RELT: variants seen among roughly 807,000 people sequenced by gnomAD.
The protein encoded by RELT is tumor necrosis factor receptor superfamily member 19L.
Under a neutral mutation model 51.1 loss-of-function variants are expected in RELT, and 37 were observed. That is an observed-to-expected ratio of 0.72 (90% CI 0.56 to 0.95). The LOEUF (loss-of-function observed/expected upper bound fraction) is 0.95, where lower values mean the gene tolerates loss of function less well. RELT is among the 40% of genes least tolerant of loss of function. The probability of loss-of-function intolerance (pLI) is 0.00; values close to 1 mark genes in which losing one functional copy is unlikely to be tolerated. For synonymous variants in RELT, 241 were observed against 235.7 expected (o/e 1.02, Z -0.21); for missense variants, 535 against 572.6 (o/e 0.93, Z 0.67).
intron 5 of RELT, 23 bp from the exon 6 acceptor site, chr11:73,392,188 C>T: frequency 6.2e-7 from 1 of 1,607,598 alleles, no homozygotes; most frequent in Non-Finnish European, 8.5e-7. Flanking sequence ...TTTTGTCCTG[C>T]CTCCATCGTC....
chr11:73,393,103 TC>T, intron 6 of RELT: 1 of 996,140 alleles, frequency 1.0e-6, no homozygotes, highest in Non-Finnish European at 1.2e-6. Flanking sequence ...AAATGGCATC[TC>T]CCATGCTAGC....
Position 73,388,283 on chromosome 11 carries a change from G to A in RELT, c.-25-829G>A, listed in dbSNP as rs1160671894. ...CCTGGGATGGAGCTCCCTGCAGACA[G>A]GGACCTTGTCTGTCTTGTTCATACC... On this transcript the variant is annotated intron_variant, in intron 1 of 10. Transcript: ENST00000064780. The surrounding 1 kb of genome is among the most constrained non-coding windows in gnomAD (Gnocchi z 4.1). Among the ~76,000 whole-genome samples, 1 of 152,248 alleles carries A rather than the reference G, an allele frequency of 6.6e-6. No homozygotes were observed. Among genetic ancestry groups the A allele is most frequent in the African/African-American group, 2.4e-5 (1 of 41,466 alleles).
rs1866283420 is a variant in RELT, at chr11:73,394,757, A to C, written c.1046+23A>C. ...CAGGTGAGATGGGCACAGATGCAGC[A>C]GGGGCAGGTAAAGACGTGACAGCCT... On this transcript the variant is annotated intron_variant, in intron 9 of 10. Transcript: ENST00000064780. The surrounding 1 kb of genome is among the most constrained non-coding windows in gnomAD (Gnocchi z 4.9). The C allele has an allele frequency of 6.3e-7, 1 of 1,599,222 alleles. No homozygotes were observed. Among genetic ancestry groups the C allele is most frequent in the Non-Finnish European group, 8.5e-7 (1 of 1,176,494 alleles).
chr11:73,381,001 C>A (rs181218639), intron 1 of RELT, among the ~76,000 whole-genome samples: 1 of 152,104 alleles, frequency 6.6e-6, no homozygotes. Flanking sequence ...GATTATGGCC[C>A]GGGAGGCTGT....
At chr11:73,391,305 G>A in intron 5 of RELT, 82 bp downstream of exon 5, 1 of 1,290,926 alleles carries the variant, frequency 7.7e-7, no homozygotes, top group South Asian at 1.3e-5. Context: ...AGCCTCTGCA[G>A]TGTTCATGTG....
intron 4 of RELT, 86 bp downstream of exon 4, chr11:73,391,007 C>T (rs1183535261): frequency 6.5e-7 from 1 of 1,548,212 alleles, no homozygotes; most frequent in African/African-American, 1.4e-5. Flanking sequence ...GTACCCTGAG[C>T]AGGCCTCATT....
rs1866154957 is a variant in RELT at position 73,388,236 on chromosome 11, C to G, written c.-25-876C>G. 6.6e-6 allele frequency among the ~76,000 whole-genome samples: 1 copy of G among 152,224 alleles called. No homozygotes were observed. The highest frequency in any genetic ancestry group is 1.5e-5 in the Non-Finnish European group (1 of 68,042). On this transcript the variant is annotated intron_variant, in intron 1 of 10. Coordinates refer to ENST00000064780, the MANE Select transcript of RELT (RefSeq NM_152222.2). This position sits in a 1 kb window ranked among gnomAD's most constrained non-coding sequence, Gnocchi z 4.1. The stretch of plus-strand genomic sequence containing the variant: ...TTACCACCAAATGGCAGGGGCACCT[C>G]TCTGTTTGCAGTTGGGTCTCCCCTG...
In RELT at chr11:73,393,989, C is replaced by T. The variant is rs569157856; in HGVS notation, c.706+72C>T. 3.8e-5 allele frequency: 55 copies of T among 1,445,694 alleles called. No homozygotes were observed. The Middle Eastern group carries it at 1.1e-3, about 30-fold the overall frequency. 89.6% of individuals were successfully genotyped at this position (1,445,694 alleles called of 1,614,324 possible). ...TTCCTCCAGGAGCCTGTGAGGCAGC[C>T]GCGGTGGGCAGAGTCTTGCCCTGCT... On this transcript the variant is annotated intron_variant, in intron 7 of 10. Transcript: ENST00000064780.
Position 73,395,543 on chromosome 11 carries a change from G to C in RELT, c.*52G>C. The C allele has an allele frequency of 2.6e-6, 2 of 780,534 alleles. No individual in the cohort carries two copies. The highest frequency in any genetic ancestry group is 3.4e-5 in the Admixed American group (2 of 59,002). 48.4% of individuals were successfully genotyped at this position (780,534 alleles called of 1,614,324 possible). A position where few individuals can be genotyped will look rare whatever the true frequency, so the allele number is the denominator to read the frequency against. On this transcript the variant is annotated 3_prime_UTR_variant, in exon 11 of 11. Transcript: ENST00000064780. ...GGCCCTGCCCTGGGAGGTTCCGAAG[G>C]CTTCCTGGAGGAGGTGGAGCTGCAG... is the stretch of plus-strand genomic sequence containing the variant.
rs1866318528 is a variant in RELT, at chr11:73,396,282, T to C, written c.*791T>C. ...CTGCCCCTCCCCCAGCTGTTTTTAA[T>C]GAAACTGAAAAAATAGACTTGATCC... is the stretch of plus-strand genomic sequence containing the variant. On this transcript the variant is annotated 3_prime_UTR_variant, in exon 11 of 11. Transcript: ENST00000064780. The C allele has an allele frequency of 6.6e-6, 1 of 152,566 alleles. No homozygotes were observed. Among genetic ancestry groups the C allele is most frequent in the Non-Finnish European group, 1.5e-5 (1 of 68,066 alleles). 9.5% of individuals were successfully genotyped at this position (152,566 alleles called of 1,614,324 possible). A position where few individuals can be genotyped will look rare whatever the true frequency, so the allele number is the denominator to read the frequency against.
Position 73,395,525 on chromosome 11 carries a change from C to T in RELT, c.*34C>T, listed in dbSNP as rs1590740927. The T allele has an allele frequency of 1.3e-6, 1 of 782,414 alleles. No homozygotes were observed. The highest frequency in any genetic ancestry group is 2.4e-6 in the Non-Finnish European group (1 of 419,560). 48.5% of individuals were successfully genotyped at this position (782,414 alleles called of 1,614,324 possible). ...CTAGTCTAAGGACACTGCGGCCCTG[C>T]CCTGGGAGGTTCCGAAGGCTTCCTG... On this transcript the variant is annotated 3_prime_UTR_variant, in exon 11 of 11. Coordinates refer to ENST00000064780, the MANE Select transcript of RELT (RefSeq NM_152222.2).
In RELT at chr11:73,392,243, G is replaced by T. The variant is rs1473660441; in HGVS notation, c.400G>T (p.Val134Leu). ...GCGGCGGGCCCGACGTGGCGTGGAG[G>T]TGGCAGCAGGGGCCAGCAGCGGTGG... Reference protein sequence around the residue: ...WGRRARRGVEVAAGASSGGET... With the variant: ...WGRRARRGVELAAGASSGGET... The change falls in exon 6 of 11, where the codon GTG (valine) becomes TTG (leucine). Residue 134 changes from valine (V) to leucine (L), a missense_variant. By Grantham distance (32) the Val-to-Leu change is conservative. Coordinates refer to ENST00000064780, the MANE Select transcript of RELT (RefSeq NM_152222.2). 6.2e-7 allele frequency: 1 copy of T among 1,612,624 alleles called. No individual in the cohort carries two copies. The highest frequency in any genetic ancestry group is 8.5e-7 in the Non-Finnish European group (1 of 1,179,536).
chr11:73,390,699 C>T, intron 3 of RELT, 56 bp from the exon 4 acceptor site: 1 of 1,609,904 alleles, frequency 6.2e-7, no homozygotes, highest in Admixed American at 1.7e-5. Flanking sequence ...GTGCCTGGCC[C>T]CCAAGGGTCC....
chr11:73,395,009 G>C, intron 9 of RELT, 78 bp from the exon 10 acceptor site: 1 of 1,305,048 alleles, frequency 7.7e-7, no homozygotes, highest in Non-Finnish European at 1.1e-6. Context: ...AACTTGCTGT[G>C]TGACCCCGGG....
At chr11:73,387,187 C>G (rs1156933249) in intron 1 of RELT, among the ~76,000 whole-genome samples, 1 of 152,198 alleles carries the variant, frequency 6.6e-6, no homozygotes, top group Non-Finnish European at 1.5e-5. Flanking sequence ...TCGTGATCCA[C>G]CTGCCTCTGC....
rs1866158541 is a variant in RELT, at chr11:73,388,501, A to G, written c.-25-611A>G. 6.6e-6 allele frequency among the ~76,000 whole-genome samples: 1 copy of G among 152,156 alleles called. No individual in the cohort carries two copies. Among genetic ancestry groups the G allele is most frequent in the African/African-American group, 2.4e-5 (1 of 41,434 alleles). On this transcript the variant is annotated intron_variant, in intron 1 of 10. Transcript: ENST00000064780. The surrounding 1 kb of genome is among the most constrained non-coding windows in gnomAD (Gnocchi z 4.1). ...GCCATGCAGAAGGACCAGGACCTAG[A>G]TGGGGTGGGGAGCTGTGGGAGCCAG... is the stretch of plus-strand genomic sequence containing the variant.
chr11:73,392,040 G>GA, intron 5 of RELT, 171 bp from the exon 6 acceptor site: 1 of 761,228 alleles, frequency 1.3e-6, no homozygotes, highest in Non-Finnish European at 2.1e-6. Flanking sequence ...GGCCAGAAGG[G>GA]AAAACAGGAG....
rs1191793750 is a variant in RELT at position 73,390,762 on chromosome 11, G to T, written c.128G>T (p.Gly43Val). Reference protein sequence around the residue: ...PPGEEPDLDPGQGTLCRPCPP... With the variant: ...PPGEEPDLDPVQGTLCRPCPP... ...ACCCTTTACCTCCCACAGGACCCAGGGCAGGGCACATTATGCAGGCCCTGC... is the reference window on the plus strand; with the variant it reads ...ACCCTTTACCTCCCACAGGACCCAGTGCAGGGCACATTATGCAGGCCCTGC... The change falls in exon 4 of 11, where the codon GGG becomes GTG. Residue 43 changes from glycine (G) to valine (V), a missense_variant. Coordinates refer to ENST00000064780, the MANE Select transcript of RELT (RefSeq NM_152222.2). 2.5e-6 allele frequency: 4 copies of T among 1,609,620 alleles called. No individual in the cohort carries two copies. Among genetic ancestry groups the T allele is most frequent in the Non-Finnish European group, 3.4e-6 (4 of 1,178,336 alleles).
chr11:73,389,292 G>A, intron 2 of RELT, 111 bp downstream of exon 2: 1 of 688,800 alleles, frequency 1.5e-6, no homozygotes, highest in South Asian at 2.0e-5. Flanking sequence ...GCAGGGCTCA[G>A]TTACTCAGCT....
Sources: allele counts gnomAD v4.1 joint callset (sites outside exome capture counted in the v4.1 genomes callset), GRCh38; gene constraint gnomAD v4.1.1; non-coding constraint Gnocchi (gnomAD v3.1); transcripts MANE v1.5; gene names NCBI Gene and HGNC (gene_info 2026-07-23, HGNC 2026-07-21).